ANKRD17: variants seen among roughly 807,000 people sequenced by gnomAD.
ANKRD17 encodes the protein ankyrin repeat domain 17, also known as ankyrin repeat domain-containing protein 17.
Under a neutral mutation model 229.7 loss-of-function variants are expected in ANKRD17, and 19 were observed. The ratio of observed to expected loss-of-function variants is 0.08; its 90% CI spans 0.06 to 0.12. The LOEUF (loss-of-function observed/expected upper bound fraction) is 0.12, where lower values mean the gene tolerates loss of function less well. ANKRD17 is among the 10% of genes least tolerant of loss of function. The pLI is 1.00. For missense variants in ANKRD17, 2,176 were observed against 3,176.8 expected (o/e 0.68, Z 7.57); for synonymous variants, 1,112 against 1,146.1 (o/e 0.97, Z 0.60).
At chr4:73,186,514 T>C (rs1407451131) in intron 1 of ANKRD17, among the ~76,000 whole-genome samples, 1 of 152,158 alleles carries the variant, frequency 6.6e-6, no homozygotes, top group Non-Finnish European at 1.5e-5. Flanking sequence ...TTTTCATTCA[T>C]ACTTGTCTAT....
chr4:73,111,710 T>C (rs1213442140), intron 24 of ANKRD17, among the ~76,000 whole-genome samples: 1 of 152,202 alleles, frequency 6.6e-6, no homozygotes. Context: ...AAAATCACTA[T>C]CAAATGACAA....
At chr4:73,149,316 A>G (rs537067834) in intron 7 of ANKRD17, among the ~76,000 whole-genome samples, 3 of 152,330 alleles carry the variant, frequency 2.0e-5, no homozygotes, top group African/African-American at 7.2e-5. Flanking sequence ...TTAGAAAAAA[A>G]AACAGTAAGT....
intron 21 of ANKRD17, 39 bp downstream of exon 21, chr4:73,120,123 C>T: frequency 1.9e-6 from 3 of 1,576,922 alleles, no homozygotes; most frequent in Non-Finnish European, 1.7e-6. Flanking sequence ...CCACTAGTAA[C>T]ACTTGTGTTC....
intron 1 of ANKRD17, among the ~76,000 whole-genome samples, chr4:73,190,214 C>T (rs867936589): frequency 6.6e-6 from 1 of 151,860 alleles, no homozygotes; most frequent in African/African-American, 2.4e-5. Context: ...ACTAAGAGTA[C>T]AAAAATCAGA....
At chr4:73,105,487 G>T (rs1460376758) in intron 24 of ANKRD17, among the ~76,000 whole-genome samples, 1 of 152,000 alleles carries the variant, frequency 6.6e-6, no homozygotes, top group Non-Finnish European at 1.5e-5. Context: ...ACAAACAGGA[G>T]AAAGCAACTC....
At chr4:73,226,389 G>GTTTTTTTTTTT (rs1157719883) in intron 1 of ANKRD17, among the ~76,000 whole-genome samples, 3 of 87,612 alleles carry the variant, frequency 3.4e-5, no homozygotes, top group Admixed American at 1.7e-4. Flanking sequence ...CTTTTCTTCT[G>GTTTTTTTTTTT]TTTTTTTTTT....
Position 73,149,010 on chromosome 4 carries a change from C to G in ANKRD17, c.1370G>C (p.Gly457Ala). 1 of 1,612,816 alleles carries G rather than the reference C, an allele frequency of 6.2e-7. No individual in the cohort carries two copies. Among genetic ancestry groups the G allele is most frequent in the South Asian group, 1.1e-5 (1 of 90,886 alleles). ...ATCAGCAGGCATGTTCACTTGGGCACCGCTGTCAAGAAGTAACCTAGCTAC... is the reference window on the plus strand; with the variant it reads ...ATCAGCAGGCATGTTCACTTGGGCAGCGCTGTCAAGAAGTAACCTAGCTAC... ...VEVARLLLDS[G>A]AQVNMPADSF... Residue 457 changes from glycine (G) to alanine (A), a missense_variant, in exon 8 of 34, where the codon GGT becomes GCT. Coordinates refer to ENST00000358602, the MANE Select transcript of ANKRD17 (RefSeq NM_032217.5).
chr4:73,236,234 T>C (rs1303754812), intron 1 of ANKRD17, among the ~76,000 whole-genome samples: 1 of 152,098 alleles, frequency 6.6e-6, no homozygotes. Context: ...ATTGCCACTG[T>C]AACCTTAAAT....
intron 1 of ANKRD17, among the ~76,000 whole-genome samples, chr4:73,187,887 C>T (rs965242722): frequency 3.9e-5 from 6 of 152,138 alleles, no homozygotes; most frequent in African/African-American, 9.7e-5. Context: ...TGCTCCCCAA[C>T]CTTTTTGACA....
At position 73,078,810 on chromosome 4, in the gene ANKRD17, G is replaced by T; in HGVS notation, c.7240C>A (p.Pro2414Thr). Residue 2414 changes from proline (P) to threonine (T), a missense_variant, in exon 31 of 34, where the codon CCC becomes ACC. Transcript: ENST00000358602. ...PSSVPLGSEK[P>T]SNVSQDRKVP... is the part of the protein sequence containing the mutation. ...TTCCTGTCCTGAGACACATTGCTGG[G>T]CTTTTCTGACCCTAACGGTACTGAT... 1 of 1,614,140 alleles carries T rather than the reference G, an allele frequency of 6.2e-7. No individual in the cohort carries two copies. The highest frequency in any genetic ancestry group is 8.5e-7 in the Non-Finnish European group (1 of 1,180,016).
At chr4:73,239,303 T>C (rs986226435) in intron 1 of ANKRD17, among the ~76,000 whole-genome samples, 1 of 152,158 alleles carries the variant, frequency 6.6e-6, no homozygotes, top group Non-Finnish European at 1.5e-5. Context: ...CAGTTTTACC[T>C]CTGGAATATA....
At chr4:73,083,237 A>G (rs1165851708) in intron 30 of ANKRD17, among the ~76,000 whole-genome samples, 1 of 152,226 alleles carries the variant, frequency 6.6e-6, no homozygotes, top group East Asian at 1.9e-4. Context: ...AGAAAGAAAC[A>G]TCTATAAAAA....
chr4:73,098,585 C>T, intron 25 of ANKRD17, 65 bp from the exon 26 acceptor site: 1 of 1,464,006 alleles, frequency 6.8e-7, no homozygotes, highest in Non-Finnish European at 9.3e-7. Flanking sequence ...TAGCTATAAG[C>T]ACTTGAAGAA....
chr4:73,144,695 G>T, intron 11 of ANKRD17, 50 bp downstream of exon 11: 1 of 1,268,264 alleles, frequency 7.9e-7, no homozygotes, highest in Non-Finnish European at 1.1e-6. Flanking sequence ...CTAAATGAAG[G>T]CAGGGGTAGA....
In ANKRD17 at chr4:73,139,883, T is replaced by C. The variant is rs1199219598; in HGVS notation, c.2733A>G (p.Leu911=). The change falls in exon 15 of 34, where the codon TTA becomes TTG. Residue 911 remains leucine, a synonymous_variant. Coordinates refer to ENST00000358602, the MANE Select transcript of ANKRD17 (RefSeq NM_032217.5). ...GCTCTCCAACTCCAACAGGAGTTAG[T>C]AATCCCAGGTGTTGGCAAGACTGTT... ...QQQQSCQHLG[L]LTPVGVGEQL... is the part of the protein sequence containing the mutation. 1.2e-6 allele frequency: 2 copies of C among 1,614,104 alleles called. No individual in the cohort carries two copies. Among genetic ancestry groups the C allele is most frequent in the Non-Finnish European group, 1.7e-6 (2 of 1,180,050 alleles).
chr4:73,089,026 G>A (rs1722495778), intron 29 of ANKRD17, among the ~76,000 whole-genome samples: 1 of 151,626 alleles, frequency 6.6e-6, no homozygotes, highest in Non-Finnish European at 1.5e-5. Context: ...ATTTTGTGTT[G>A]CATGTTTATT....
At chr4:73,154,216 A>T in intron 5 of ANKRD17, 103 bp from the exon 6 acceptor site, 1 of 600,116 alleles carries the variant, frequency 1.7e-6, no homozygotes, top group Non-Finnish European at 2.6e-6. Context: ...CTACAACCAT[A>T]ATAAATATTA....
intron 1 of ANKRD17, among the ~76,000 whole-genome samples, chr4:73,247,712 A>G (rs1744624479): frequency 6.6e-6 from 1 of 151,982 alleles, no homozygotes; most frequent in Non-Finnish European, 1.5e-5. Flanking sequence ...TTATTTTTAA[A>G]TATATAAAAA....
At chr4:73,188,318 G>A (rs992407505) in intron 1 of ANKRD17, among the ~76,000 whole-genome samples, 5 of 152,256 alleles carry the variant, frequency 3.3e-5, no homozygotes, top group Admixed American at 2.6e-4. Context: ...CAGGTATGGT[G>A]GCTCACACCT....
Sources: gnomAD v4.1 joint callset for allele counts (sites outside exome capture counted in the v4.1 genomes callset) on GRCh38, gnomAD v4.1.1 for gene constraint, MANE v1.5 for transcripts, NCBI Gene and HGNC (gene_info 2026-07-23, HGNC 2026-07-21) for gene names.